Variants in KAZN observed in about 807,000 individuals in gnomAD.
The protein encoded by KAZN is kazrin, periplakin interacting protein.
Under a neutral mutation model 87.4 loss-of-function variants are expected in KAZN, and 40 were observed. That is an observed-to-expected ratio of 0.46 (90% CI 0.36 to 0.60). The LOEUF (loss-of-function observed/expected upper bound fraction) is 0.60, where lower values mean the gene tolerates loss of function less well. KAZN is among the 20% of genes least tolerant of loss of function. The pLI, the probability that KAZN is intolerant of heterozygous loss-of-function variation, is 0.00. For synonymous variants in KAZN, 466 were observed against 458.3 expected, an observed-to-expected ratio of 1.02 and a Z score of -0.22; for missense variants, 898 against 1,073.9, an observed-to-expected ratio of 0.84 and a Z score of 2.29.
chr1:14,780,658 T>C (rs1487170040), intron 1 of KAZN, among the ~76,000 whole-genome samples: 1 of 152,184 alleles, frequency 6.6e-6, no homozygotes, highest in South Asian at 2.1e-4. Context: ...CAAAGTACTA[T>C]TCTAGAGGCT....
intron 1 of KAZN, among the ~76,000 whole-genome samples, chr1:14,689,842 A>G (rs1024427118): frequency 1.1e-4 from 16 of 152,330 alleles, no homozygotes; most frequent in African/African-American, 3.4e-4. Flanking sequence ...CGTGGAGACC[A>G]TCAAGGACCA....
intron 1 of KAZN, among the ~76,000 whole-genome samples, chr1:14,151,892 G>A (rs185438417): frequency 6.5e-4 from 99 of 152,198 alleles, no homozygotes; most frequent in African/African-American, 2.2e-3. Context: ...ATGACATTAT[G>A]TAATTACTTG....
At chr1:15,072,693 G>A (rs1639566848) in intron 8 of KAZN, among the ~76,000 whole-genome samples, 1 of 152,158 alleles carries the variant, frequency 6.6e-6, no homozygotes, top group Admixed American at 6.5e-5. Flanking sequence ...ACAAACCAAG[G>A]CGCAGAGAGG....
intron 1 of KAZN, among the ~76,000 whole-genome samples, chr1:13,996,972 C>T (rs949476971): frequency 4.6e-5 from 7 of 152,154 alleles, no homozygotes; most frequent in Admixed American, 2.0e-4. Flanking sequence ...GGTTGGTGCC[C>T]CTCGAGGTCA....
intron 2 of KAZN, among the ~76,000 whole-genome samples, chr1:14,575,071 C>G (rs371080027): frequency 3.3e-5 from 5 of 152,006 alleles, no homozygotes; most frequent in African/African-American, 1.2e-4. Flanking sequence ...TTATTTCACA[C>G]GAAGGAATTT....
rs1553181094 is a variant in KAZN, at chr1:13,981,089, T to TCTCTATATATATATATA, written c.91+87333_91+87334insCTCTATATATATATATA. Among the ~76,000 whole-genome samples, 3 of 63,134 alleles carry TCTCTATATATATATATA rather than the reference T, an allele frequency of 4.8e-5. 1 individual carries two copies. The highest frequency in any genetic ancestry group is 1.0e-4 in the Non-Finnish European group (3 of 29,606). The allele number at this position is 63,134 out of a possible 152,430, so 41.4% of individuals were successfully genotyped here. On this transcript the variant is annotated intron_variant, in intron 1 of 16. Transcript: ENST00000636203. ...TTGGAGAGGTATAAAAAATTACTCT[T>TCTCTATATATATATATA]TATATATATATATATATATATGTAT...
chr1:14,083,708 T>A (rs1397214891), intron 1 of KAZN, among the ~76,000 whole-genome samples: 2 of 152,198 alleles, frequency 1.3e-5, no homozygotes, highest in Non-Finnish European at 2.9e-5. Context: ...GGTCATTAAT[T>A]TCAAAGACTT....
intron 2 of KAZN, among the ~76,000 whole-genome samples, chr1:14,570,437 T>G (rs959398447): frequency 6.6e-6 from 1 of 152,222 alleles, no homozygotes; most frequent in Non-Finnish European, 1.5e-5. Flanking sequence ...ACTGATCGAC[T>G]TTCTGTGACT....
rs142548330 is a variant in KAZN at position 14,391,917 on chromosome 1, G to A, written c.250-207066G>A. Among the ~76,000 whole-genome samples the A allele has an allele frequency of 5.5e-3, 844 of 152,246 alleles. 12 individuals are homozygous for A. Among genetic ancestry groups the A allele is most frequent in the African/African-American group, 0.019 (802 of 41,550 alleles). On this transcript the variant is annotated intron_variant, in intron 2 of 16. Transcript: ENST00000636203. ...TGTCAACCCTGGACACACACTAGTA[G>A]ATATGGGATGACCGTACTTGCACTC...
intron 1 of KAZN, among the ~76,000 whole-genome samples, chr1:14,915,268 G>A (rs903503939): frequency 6.6e-6 from 1 of 152,198 alleles, no homozygotes; most frequent in Non-Finnish European, 1.5e-5. Flanking sequence ...TAACAATCAT[G>A]ATTATATATC....
At chr1:14,520,984 G>A (rs1671557352) in intron 2 of KAZN, among the ~76,000 whole-genome samples, 1 of 152,198 alleles carries the variant, frequency 6.6e-6, no homozygotes, top group Non-Finnish European at 1.5e-5. Context: ...AGAGCAGGGA[G>A]AGGCATGCAG....
At chr1:14,907,815 T>C (rs1656781530) in intron 1 of KAZN, among the ~76,000 whole-genome samples, 1 of 151,636 alleles carries the variant, frequency 6.6e-6, no homozygotes, top group Non-Finnish European at 1.5e-5. Flanking sequence ...AAGTGGGAGG[T>C]GGATCCCCGC....
chr1:14,608,348 G>A (rs1381343197), intron 1 of KAZN, among the ~76,000 whole-genome samples: 1 of 152,176 alleles, frequency 6.6e-6, no homozygotes, highest in Non-Finnish European at 1.5e-5. Flanking sequence ...CAGCCTCATA[G>A]GTATAACTGA....
At chr1:14,548,333 G>A (rs1235639122) in intron 2 of KAZN, among the ~76,000 whole-genome samples, 1 of 151,752 alleles carries the variant, frequency 6.6e-6, no homozygotes, top group African/African-American at 2.4e-5. Context: ...CAAGTAGCTG[G>A]GACTACAGGC....
chr1:14,328,741 C>A (rs1656624174), intron 2 of KAZN, among the ~76,000 whole-genome samples: 1 of 123,604 alleles, frequency 8.1e-6, no homozygotes, highest in Admixed American at 8.4e-5. Context: ...AGAAGACATC[C>A]CTAACTGAAA....
intron 1 of KAZN, among the ~76,000 whole-genome samples, chr1:14,937,284 C>T (rs1660567995): frequency 6.6e-6 from 1 of 152,196 alleles, no homozygotes; most frequent in South Asian, 2.1e-4. Flanking sequence ...TAGTTAATTA[C>T]TTGCAGGTTT....
intron 2 of KAZN, among the ~76,000 whole-genome samples, chr1:14,419,110 T>G (rs1665115450): frequency 6.6e-6 from 1 of 152,224 alleles, no homozygotes; most frequent in African/African-American, 2.4e-5. Context: ...AGTTTATCTC[T>G]TGGTAGCACC....
rs139002923 is a variant in KAZN at position 14,622,659 on chromosome 1, C to T, written c.226+23436C>T. On this transcript the variant is annotated intron_variant, in intron 1 of 14. Coordinates refer to ENST00000376030, the MANE Select transcript of KAZN (RefSeq NM_201628.3). ...GGAGCGGAGATCGACCACTGCACTC[C>T]AGCCAGGGTGACAGAGCGAGACTCC... 4.7e-4 allele frequency among the ~76,000 whole-genome samples: 65 copies of T among 138,244 alleles called. 1 individual carries two copies. The highest frequency in any genetic ancestry group is 1.7e-3 in the African/African-American group (61 of 34,870). 90.7% of individuals were successfully genotyped at this position (138,244 alleles called of 152,430 possible). A position where few individuals can be genotyped will look rare whatever the true frequency, so the allele number is the denominator to read the frequency against.
intron 2 of KAZN, among the ~76,000 whole-genome samples, chr1:14,514,386 A>ATAT (rs1671120300): frequency 1.3e-4 from 2 of 15,984 alleles, no homozygotes; most frequent in African/African-American, 6.7e-4. Flanking sequence ...ATATATATAT[A>ATAT]TTATATATAT....
Sources: gnomAD v4.1 joint callset for allele counts (sites outside exome capture counted in the v4.1 genomes callset) on GRCh38, gnomAD v4.1.1 for gene constraint, MANE v1.5 for transcripts, NCBI Gene and HGNC (gene_info 2026-07-23, HGNC 2026-07-21) for gene names.